The following EFNA5 variants were observed in gnomAD, a reference collection of about 807,000 sequenced individuals.
The protein encoded by EFNA5 is ephrin A5.
A neutral mutation model predicts 22.9 loss-of-function variants in EFNA5; 5 were observed. The ratio of observed to expected loss-of-function variants is 0.22; its 90% CI spans 0.11 to 0.46. EFNA5 has a LOEUF of 0.46. Ranked by LOEUF, EFNA5 falls within the 20% of genes least tolerant of loss-of-function variation. The pLI is 0.99. For synonymous variants in EFNA5, 113 were observed against 112.2 expected (o/e 1.01, Z -0.04); for missense variants, 237 against 293.3 (o/e 0.81, Z 1.40).
chr5:107,441,015 A>ATT (rs796829616), intron 1 of EFNA5, among the ~76,000 whole-genome samples: 4 of 139,818 alleles, frequency 2.9e-5, no homozygotes, highest in African/African-American at 5.2e-5. Context: ...AAAAACTTGG[A>ATT]TTTTTTTTTT....
intron 1 of EFNA5, among the ~76,000 whole-genome samples, chr5:107,618,922 CTT>C (rs879804243): frequency 6.8e-6 from 1 of 146,416 alleles, no homozygotes; most frequent in African/African-American, 2.5e-5. Context: ...GTTGTGTACT[CTT>C]TTTTTTTTTT....
intron 1 of EFNA5, among the ~76,000 whole-genome samples, chr5:107,453,350 CAA>C (rs1404018448): frequency 6.6e-6 from 1 of 151,994 alleles, no homozygotes; most frequent in Non-Finnish European, 1.5e-5. Context: ...ATATTCAGAA[CAA>C]AATTTATTTC....
chr5:107,552,973 T>C (rs1748331030), intron 1 of EFNA5, among the ~76,000 whole-genome samples: 1 of 152,200 alleles, frequency 6.6e-6, no homozygotes, highest in Non-Finnish European at 1.5e-5. Context: ...TGAGGGCACT[T>C]TGTAAACTGC....
At chr5:107,412,574 G>T (rs1291419983) in intron 2 of EFNA5, among the ~76,000 whole-genome samples, 1 of 151,978 alleles carries the variant, frequency 6.6e-6, no homozygotes, top group African/African-American at 2.4e-5. Context: ...ATTTCTCCAC[G>T]TTTCTCAGGT....
At chr5:107,631,951 G>T (rs568310734) in intron 1 of EFNA5, among the ~76,000 whole-genome samples, 1 of 152,306 alleles carries the variant, frequency 6.6e-6, no homozygotes, top group South Asian at 2.1e-4. Context: ...CACCCAAAAA[G>T]AAACCCTCGC....
chr5:107,587,996 A>G (rs1432809528), intron 1 of EFNA5, among the ~76,000 whole-genome samples: 2 of 152,284 alleles, frequency 1.3e-5, no homozygotes, highest in African/African-American at 4.8e-5. Flanking sequence ...AACGTGCACA[A>G]AAGAAAGTAA....
At chr5:107,558,096 GA>G (rs1182671389) in intron 1 of EFNA5, among the ~76,000 whole-genome samples, 4 of 152,042 alleles carry the variant, frequency 2.6e-5, no homozygotes, top group African/African-American at 7.2e-5. Flanking sequence ...AAAAGTCTGA[GA>G]GGGGGAGGGG....
intron 1 of EFNA5, among the ~76,000 whole-genome samples, chr5:107,441,885 G>A (rs1353621479): frequency 6.6e-6 from 1 of 151,980 alleles, no homozygotes; most frequent in Non-Finnish European, 1.5e-5. Flanking sequence ...AAAACTTACT[G>A]GACAACTCAA....
At chr5:107,534,405 T>C (rs1445627526) in intron 1 of EFNA5, among the ~76,000 whole-genome samples, 1 of 152,230 alleles carries the variant, frequency 6.6e-6, no homozygotes, top group Non-Finnish European at 1.5e-5. Context: ...TAATTAGTTT[T>C]ATGTCTAGTC....
chr5:107,572,332 G>A (rs1434690584), intron 1 of EFNA5, among the ~76,000 whole-genome samples: 4 of 152,154 alleles, frequency 2.6e-5, no homozygotes, highest in Non-Finnish European at 5.9e-5. Flanking sequence ...GGAGCAAAGG[G>A]TGCCGTCACA....
Position 107,641,251 on chromosome 5 carries a change from G to A in EFNA5, c.125+29238C>T, listed in dbSNP as rs149735200. ...TACGTGCCTGTAGTCCCAGCTACTC[G>A]GGAGGCTGAGGAGCAGGAATCACTT... is the stretch of plus-strand genomic sequence containing the variant. On this transcript the variant is annotated intron_variant, in intron 1 of 4. Coordinates refer to ENST00000333274, the MANE Select transcript of EFNA5 (RefSeq NM_001962.3). 5.3e-3 allele frequency among the ~76,000 whole-genome samples: 805 copies of A among 151,844 alleles called. 11 individuals carry two copies. The highest frequency in any genetic ancestry group is 0.019 in the African/African-American group (774 of 41,374).
rs188039481 is a variant in EFNA5 at position 107,555,091 on chromosome 5, C to T, written c.125+115398G>A. 1.4e-4 allele frequency among the ~76,000 whole-genome samples: 21 copies of T among 152,326 alleles called. No homozygotes were observed. The East Asian group carries it at 4.0e-3, about 29-fold the overall frequency. ...CCCACCTCTTGCTCTATGCAGGACA[C>T]TTTGTCTAACATATCCTGCAGAGAC... On this transcript the variant is annotated intron_variant, in intron 1 of 4. Transcript: ENST00000333274.
At chr5:107,617,980 T>C (rs1458858024) in intron 1 of EFNA5, among the ~76,000 whole-genome samples, 3 of 151,442 alleles carry the variant, frequency 2.0e-5, no homozygotes, top group South Asian at 2.1e-4. Context: ...CTGGACAAAA[T>C]AGCAAGACGC....
chr5:107,631,109 A>G lies in EFNA5; in HGVS notation c.125+39380T>C, dbSNP rs116614529. On this transcript the variant is annotated intron_variant, in intron 1 of 4. Coordinates refer to ENST00000333274, the MANE Select transcript of EFNA5 (RefSeq NM_001962.3). ...ACTTTTTTTATATGTGAGTACAAAG[A>G]TTATACTCAAAAATAATGATAAGAA... is the stretch of plus-strand genomic sequence containing the variant. 7.5e-3 allele frequency among the ~76,000 whole-genome samples: 1,136 copies of G among 152,192 alleles called. 17 individuals are homozygous for G. The highest frequency in any genetic ancestry group is 0.025 in the African/African-American group (1,053 of 41,522).
chr5:107,484,848 C>A (rs1390764138), intron 1 of EFNA5, among the ~76,000 whole-genome samples: 2 of 149,180 alleles, frequency 1.3e-5, no homozygotes, highest in Non-Finnish European at 1.5e-5. Context: ...CAAGCAGGTA[C>A]AGTAATTACC....
At chr5:107,642,264 T>A (rs919159966) in intron 1 of EFNA5, among the ~76,000 whole-genome samples, 2 of 152,148 alleles carry the variant, frequency 1.3e-5, no homozygotes, top group African/African-American at 4.8e-5. Flanking sequence ...AGAGATCTAT[T>A]GTGCATTATA....
chr5:107,550,029 A>G (rs1038349736), intron 1 of EFNA5, among the ~76,000 whole-genome samples: 5 of 152,256 alleles, frequency 3.3e-5, no homozygotes, highest in Admixed American at 2.6e-4. Context: ...TTAGGACAGT[A>G]ATCTGTAGTC....
intron 1 of EFNA5, among the ~76,000 whole-genome samples, chr5:107,433,836 G>C (rs1386663658): frequency 6.6e-6 from 1 of 151,782 alleles, no homozygotes; most frequent in African/African-American, 2.4e-5. Flanking sequence ...CAGAGGCAGA[G>C]GTTGTAGTGA....
At chr5:107,421,811 G>C (rs1748676274) in intron 2 of EFNA5, among the ~76,000 whole-genome samples, 1 of 140,234 alleles carries the variant, frequency 7.1e-6, no homozygotes, top group Non-Finnish European at 1.5e-5. Context: ...TTTTTTTTTA[G>C]ACAGAGTTTC....
Sources: gnomAD v4.1 joint callset for allele counts (sites outside exome capture counted in the v4.1 genomes callset) on GRCh38, gnomAD v4.1.1 for gene constraint, MANE v1.5 for transcripts, NCBI Gene and HGNC (gene_info 2026-07-23, HGNC 2026-07-21) for gene names.